The following RSU1 variants were observed in gnomAD, a reference collection of about 807,000 sequenced individuals.
RSU1 encodes the protein Ras suppressor protein 1.
Under a neutral mutation model 31.1 loss-of-function variants are expected in RSU1, and 26 were observed. The ratio of observed to expected loss-of-function variants is 0.84; its 90% CI spans 0.61 to 1.16. The LOEUF is 1.16. Among genes scored for constraint, RSU1 ranks in the 50% most tolerant of loss-of-function variants. The pLI is 0.00. For missense variants in RSU1, 320 were observed against 339.1 expected (o/e 0.94, Z 0.44); for synonymous variants, 164 against 136.3 (o/e 1.20, Z -1.41).
At chr10:16,782,568 G>A (rs573666012) in intron 2 of RSU1, among the ~76,000 whole-genome samples, 3 of 152,262 alleles carry the variant, frequency 2.0e-5, no homozygotes, top group Admixed American at 6.5e-5. Flanking sequence ...GCTATGTTCC[G>A]TGCCCATCCA....
At chr10:16,710,228 G>A (rs758015042) in intron 7 of RSU1, among the ~76,000 whole-genome samples, 20 of 152,130 alleles carry the variant, frequency 1.3e-4, no homozygotes, top group Non-Finnish European at 2.5e-4. Context: ...AATGTTGAAG[G>A]ATGTCAAATG....
intron 2 of RSU1, among the ~76,000 whole-genome samples, chr10:16,812,468 CA>C (rs997692146): frequency 1.3e-5 from 2 of 151,904 alleles, no homozygotes; most frequent in African/African-American, 4.8e-5. Context: ...AATTAAAAAA[CA>C]AAAAAATGAT....
intron 8 of RSU1, among the ~76,000 whole-genome samples, chr10:16,641,251 GTTGT>G (rs1433962124): frequency 3.9e-5 from 6 of 152,284 alleles, no homozygotes; most frequent in African/African-American, 1.4e-4. Context: ...ATGTTTTCAG[GTTGT>G]TTGTTTCCTC....
chr10:16,648,026 G>T (rs562929286), intron 8 of RSU1, among the ~76,000 whole-genome samples: 87 of 151,782 alleles, frequency 5.7e-4, no homozygotes, highest in African/African-American at 2.1e-3. Context: ...AGGGCTCACT[G>T]CAGCCTTGAC....
chr10:16,696,477 CAGAAAAACAAA>C (rs1835678724), intron 7 of RSU1, among the ~76,000 whole-genome samples: 1 of 150,780 alleles, frequency 6.6e-6, no homozygotes, highest in Admixed American at 6.6e-5. Context: ...TGCAACTATT[CAGAAAAACAAA>C]AGAAAAACGA....
At chr10:16,715,408 A>G (rs1836120498) in intron 7 of RSU1, among the ~76,000 whole-genome samples, 1 of 152,070 alleles carries the variant, frequency 6.6e-6, no homozygotes, top group Non-Finnish European at 1.5e-5. Flanking sequence ...TTTATCCTAC[A>G]ATTTCCCCTA....
rs182727910 is a variant in RSU1 at position 16,728,471 on chromosome 10, T to C, written c.598+24068A>G. On this transcript the variant is annotated intron_variant, in intron 7 of 8. Coordinates refer to ENST00000345264, the MANE Select transcript of RSU1 (RefSeq NM_012425.4). The stretch of plus-strand genomic sequence containing the variant: ...AGAACCCTGCAGACCAGCCAGCTCA[T>C]CCAGAAGATGACACATAGGCCCATC... Among the ~76,000 whole-genome samples, 440 of 152,214 alleles carry C rather than the reference T, an allele frequency of 2.9e-3. 4 individuals carry two copies. Among genetic ancestry groups the C allele is most frequent in the Admixed American group, 0.01 (159 of 15,290 alleles).
intron 8 of RSU1, among the ~76,000 whole-genome samples, chr10:16,653,497 G>C (rs543504326): frequency 6.6e-5 from 10 of 152,248 alleles, no homozygotes; most frequent in Non-Finnish European, 7.4e-5. Flanking sequence ...AAATGTGCCG[G>C]GATGTGCTTT....
intron 7 of RSU1, among the ~76,000 whole-genome samples, chr10:16,699,575 G>A (rs1004696714): frequency 3.3e-5 from 5 of 152,226 alleles, no homozygotes; most frequent in East Asian, 1.9e-4. Context: ...GCTTCAGTGC[G>A]TTGAGTTAGG....
In RSU1 at chr10:16,752,965, A is replaced by C; in HGVS notation, c.436T>G (p.Phe146Val). The change falls in exon 6 of 9, where the codon TTT becomes GTT. Residue 146 changes from phenylalanine to valine, a missense_variant. Transcript: ENST00000345264. ...LRALYLSDND[F>V]EILPPDIGKL... The stretch of plus-strand genomic sequence containing the variant: ...CCAATATCTGGCGGCAGGATTTCAA[A>C]ATCGTTGTCACTTAGATAGAGTGCA... 6.2e-7 allele frequency: 1 copy of C among 1,613,970 alleles called. No individual in the cohort carries two copies. The highest frequency in any genetic ancestry group is 8.5e-7 in the Non-Finnish European group (1 of 1,179,868).
intron 4 of RSU1, among the ~76,000 whole-genome samples, chr10:16,757,246 T>A (rs12265640): frequency 0.012 from 1,876 of 150,868 alleles, 19 homozygotes; most frequent in African/African-American, 0.028. Flanking sequence ...AGCCAATTTT[T>A]AAAAAAAAAA....
At chr10:16,713,529 G>T (rs992991339) in intron 7 of RSU1, among the ~76,000 whole-genome samples, 15 of 152,030 alleles carry the variant, frequency 9.9e-5, no homozygotes, top group African/African-American at 3.6e-4. Flanking sequence ...TCAGCTCCAA[G>T]ATTTCTGTTT....
intron 8 of RSU1, among the ~76,000 whole-genome samples, chr10:16,610,509 T>G (rs1833873983): frequency 6.6e-6 from 1 of 152,162 alleles, no homozygotes; most frequent in Admixed American, 6.5e-5. Flanking sequence ...AAAGCTTCAT[T>G]TTTATTTACA....
At chr10:16,617,717 A>G (rs2131474933) in intron 8 of RSU1, among the ~76,000 whole-genome samples, 1 of 152,362 alleles carries the variant, frequency 6.6e-6, no homozygotes, top group South Asian at 2.1e-4. Flanking sequence ...GACAAACCTG[A>G]CAAAAGCCAT....
intron 8 of RSU1, among the ~76,000 whole-genome samples, chr10:16,654,635 T>C (rs1177166192): frequency 1.3e-5 from 2 of 150,792 alleles, no homozygotes; most frequent in Non-Finnish European, 2.9e-5. Context: ...CACCACTGTA[T>C]TCCAGCCTGA....
At chr10:16,800,129 C>T (rs1838121420) in intron 2 of RSU1, among the ~76,000 whole-genome samples, 1 of 152,094 alleles carries the variant, frequency 6.6e-6, no homozygotes, top group South Asian at 2.1e-4. Flanking sequence ...AATGTGAGAA[C>T]TCGCACTAAA....
At chr10:16,704,537 T>A (rs7092558) in intron 7 of RSU1, among the ~76,000 whole-genome samples, 2 of 151,914 alleles carry the variant, frequency 1.3e-5, no homozygotes, top group African/African-American at 4.8e-5. Flanking sequence ...CAAAAGGTAT[T>A]GAATATTGTT....
chr10:16,641,943 G>A (rs1053359003), intron 8 of RSU1, among the ~76,000 whole-genome samples: 4 of 152,170 alleles, frequency 2.6e-5, no homozygotes, highest in African/African-American at 4.8e-5. Context: ...CTGACAAGCT[G>A]GCTGCTCCAA....
intron 7 of RSU1, among the ~76,000 whole-genome samples, chr10:16,695,959 C>G (rs1465757728): frequency 6.6e-6 from 1 of 152,118 alleles, no homozygotes; most frequent in South Asian, 2.1e-4. Flanking sequence ...AGCAAGCACC[C>G]CTCATCTGGA....
Sources: gnomAD v4.1 joint callset for allele counts (sites outside exome capture counted in the v4.1 genomes callset) on GRCh38, gnomAD v4.1.1 for gene constraint, MANE v1.5 for transcripts, NCBI Gene and HGNC (gene_info 2026-07-23, HGNC 2026-07-21) for gene names.